USP43: variants seen among roughly 807,000 people sequenced by gnomAD.
USP43 encodes the protein ubiquitin specific peptidase 43, also known as ubiquitin carboxyl-terminal hydrolase 43.
Under a neutral mutation model 90.7 loss-of-function variants are expected in USP43, and 33 were observed. The observed-to-expected ratio is 0.36, with a 90% CI of 0.28 to 0.49. The LOEUF is 0.49. Among genes scored for constraint, USP43 ranks in the 20% least tolerant of loss-of-function variants. The pLI is 0.98. For missense variants in USP43, 1,274 were observed against 1,476.4 expected (o/e 0.86, Z 2.25); for synonymous variants, 598 against 615.8 (o/e 0.97, Z 0.43).
At position 9,728,790 on chromosome 17, in the gene USP43, C is replaced by T. The variant is rs759770577; in HGVS notation, c.3172C>T (p.Arg1058Trp). ...GGGCCTGGCCAGGGGCCTGGGCAGC[C>T]GGCTCGAGAGGGATGTCTGGTCAGC... is the stretch of plus-strand genomic sequence containing the variant. ...PEGLARGLGS[R>W]LERDVWSAPS... Residue 1058 changes from arginine (R) to tryptophan (W), a missense_variant, in exon 15 of 15, where the codon CGG becomes TGG. By Grantham distance (101) the Arg-to-Trp change is moderately radical. This residue lies in a region of USP43 where 353 missense variants were observed against 329.7 expected (regional missense o/e 1.07). Coordinates refer to ENST00000285199, the MANE Select transcript of USP43 (RefSeq NM_153210.5). This position sits in a 1 kb window ranked among gnomAD's most constrained non-coding sequence, Gnocchi z 6.2. 90 of 1,609,666 alleles carry T rather than the reference C, an allele frequency of 5.6e-5. No individual in the cohort carries two copies. Among genetic ancestry groups the T allele is most frequent in the Non-Finnish European group, 7.1e-5 (84 of 1,177,892 alleles).
chr17:9,681,475 T>A (rs1247011088), intron 6 of USP43, among the ~76,000 whole-genome samples: 1 of 19,692 alleles, frequency 5.1e-5, no homozygotes, highest in African/African-American at 4.9e-4. Context: ...TATATATATA[T>A]ATATATATAT....
At chr17:9,703,905 A>C (rs1296711136) in intron 12 of USP43, among the ~76,000 whole-genome samples, 1 of 152,170 alleles carries the variant, frequency 6.6e-6, no homozygotes, top group Non-Finnish European at 1.5e-5. Context: ...CTTTAGGTGA[A>C]GCTCACCCTC....
intron 5 of USP43, 76 bp from the exon 6 acceptor site, chr17:9,680,155 T>C (rs964627927): frequency 3.3e-6 from 5 of 1,537,676 alleles, no homozygotes; most frequent in African/African-American, 2.7e-5. Flanking sequence ...GTGTTGACTA[T>C]CAGTCACTTT....
intron 2 of USP43, among the ~76,000 whole-genome samples, chr17:9,661,015 A>AT (rs1481852564): frequency 2.0e-5 from 3 of 151,774 alleles, no homozygotes; most frequent in East Asian, 1.9e-4. Context: ...TGAAACTCTG[A>AT]TTTTTTTTCT....
intron 4 of USP43, 57 bp downstream of exon 4, chr17:9,675,040 G>T (rs886446567): frequency 1.4e-5 from 21 of 1,504,390 alleles, no homozygotes; most frequent in Non-Finnish European, 1.9e-5. Flanking sequence ...ACTCATTACG[G>T]GGAAGCTTCT....
chr17:9,710,631 A>G (rs181058898), intron 13 of USP43, among the ~76,000 whole-genome samples: 28 of 148,494 alleles, frequency 1.9e-4, no homozygotes, highest in Non-Finnish European at 8.9e-5. Flanking sequence ...CAGCCTCCCG[A>G]GTAGCTGGGA....
rs758656246 is a variant in USP43, at chr17:9,728,918, C to T, written c.3300C>T (p.Gly1100=). Residue 1100 remains glycine, a synonymous_variant, in exon 15 of 15, where the codon GGC becomes GGT. Coordinates refer to ENST00000285199, the MANE Select transcript of USP43 (RefSeq NM_153210.5). This position sits in a 1 kb window ranked among gnomAD's most constrained non-coding sequence, Gnocchi z 6.2. The stretch of plus-strand genomic sequence containing the variant: ...TTCCAGGGGAGCAGGCTTCTTATGG[C>T]ACCTTTCAGAGAGTCAAATATCACA... ...RTVPGEQASY[G]TFQRVKYHTL... The T allele has an allele frequency of 1.9e-6, 3 of 1,611,614 alleles. No individual in the cohort carries two copies. The Admixed American group carries it at 5.0e-5, about 27-fold the overall frequency.
At chr17:9,687,537 A>G (rs761662464) in intron 8 of USP43, among the ~76,000 whole-genome samples, 2 of 152,206 alleles carry the variant, frequency 1.3e-5, no homozygotes, top group Non-Finnish European at 2.9e-5. Flanking sequence ...TTTAAAAACT[A>G]TTGATTTTTT....
chr17:9,674,331 G>T lies in USP43; in HGVS notation c.741-560G>T, dbSNP rs1376701423. Among the ~76,000 whole-genome samples the T allele has an allele frequency of 2.0e-5, 3 of 152,132 alleles. No homozygotes were observed. Among genetic ancestry groups the T allele is most frequent in the African/African-American group, 7.2e-5 (3 of 41,408 alleles). ...TCTAAAGCGTACAAATCAGTGACATGTACATTCACAGTGTTGTGCAGCTAC... is the reference window on the plus strand; with the variant it reads ...TCTAAAGCGTACAAATCAGTGACATTTACATTCACAGTGTTGTGCAGCTAC... On this transcript the variant is annotated intron_variant, in intron 3 of 14. Transcript: ENST00000285199. This position sits in a 1 kb window ranked among gnomAD's most constrained non-coding sequence, Gnocchi z 4.4.
rs34258688 is a variant in USP43, at chr17:9,714,682, CA to C, written c.2335+2569del. 6.8e-3 allele frequency among the ~76,000 whole-genome samples: 473 copies of C among 69,990 alleles called. 2 individuals carry two copies. The highest frequency in any genetic ancestry group is 0.01 in the African/African-American group (190 of 18,128). The allele number at this position is 69,990 out of a possible 152,430, so 45.9% of individuals were successfully genotyped here. A position where few individuals can be genotyped will look rare whatever the true frequency, so the allele number is the denominator to read the frequency against. On this transcript the variant is annotated intron_variant, in intron 14 of 14. Transcript: ENST00000285199. The stretch of plus-strand genomic sequence containing the variant: ...TGGGCAACAGAGCAAGACTCCATCT[CA>C]AAAAAAAAAAAAAAAAAATGAAGAC...
chr17:9,681,251 G>A (rs1914206020), intron 6 of USP43, among the ~76,000 whole-genome samples: 1 of 76,486 alleles, frequency 1.3e-5, no homozygotes, highest in Non-Finnish European at 2.2e-5. Flanking sequence ...TATTTAATAT[G>A]TATTTAATAT....
At chr17:9,680,014 T>C (rs917378654) in intron 5 of USP43, among the ~76,000 whole-genome samples, 5 of 75,034 alleles carry the variant, frequency 6.7e-5, no homozygotes, top group African/African-American at 2.5e-4. Context: ...AAAACTTAGA[T>C]TTTTTTTTTT....
chr17:9,710,468 T>G (rs1916123860), intron 13 of USP43, among the ~76,000 whole-genome samples: 1 of 148,970 alleles, frequency 6.7e-6, no homozygotes, highest in Admixed American at 6.7e-5. Flanking sequence ...AGGGCAGTTA[T>G]AAAGGATGCA....
intron 12 of USP43, among the ~76,000 whole-genome samples, chr17:9,705,653 G>A (rs1366734958): frequency 6.6e-6 from 1 of 151,708 alleles, no homozygotes; most frequent in Non-Finnish European, 1.5e-5. Flanking sequence ...TACTCGGGGG[G>A]CTGAGGCAGG....
Position 9,728,606 on chromosome 17 carries a change from C to A in USP43, c.2988C>A (p.Leu996=), listed in dbSNP as rs1311323981. 1 of 1,613,860 alleles carries A rather than the reference C, an allele frequency of 6.2e-7. No homozygotes were observed. Among genetic ancestry groups the A allele is most frequent in the Non-Finnish European group, 8.5e-7 (1 of 1,179,826 alleles). Residue 996 remains leucine (L), a synonymous_variant, in exon 15 of 15, where the codon CTC becomes CTA. Coordinates refer to ENST00000285199, the MANE Select transcript of USP43 (RefSeq NM_153210.5). The surrounding 1 kb of genome is among the most constrained non-coding windows in gnomAD (Gnocchi z 6.2). ...SELDRPLQGT[L]TLLRSVFRKK... ...TAGACAGACCCCTGCAGGGGACACT[C>A]ACCCTTCTGAGGTCCGTGTTTCGGA...
At position 9,681,176 on chromosome 17, in the gene USP43, TATAATATAC is replaced by T; in HGVS notation, c.1105+811_1105+819del. On this transcript the variant is annotated intron_variant, in intron 6 of 14. Coordinates refer to ENST00000285199, the MANE Select transcript of USP43 (RefSeq NM_153210.5). ...AATATATACTATATAATATATACTA[TATAATATAC>T]TATATAATATATACTATATAATATA... Among the ~76,000 whole-genome samples, 11 of 87,684 alleles carry T rather than the reference TATAATATAC, an allele frequency of 1.3e-4. 2 individuals carry two copies. Among genetic ancestry groups the T allele is most frequent in the African/African-American group, 6.4e-4 (11 of 17,320 alleles). The allele number at this position is 87,684 out of a possible 152,430, so 57.5% of individuals were successfully genotyped here. A position where few individuals can be genotyped will look rare whatever the true frequency, so the allele number is the denominator to read the frequency against.
At chr17:9,702,223 G>A (rs757035601) in intron 12 of USP43, among the ~76,000 whole-genome samples, 27 of 152,040 alleles carry the variant, frequency 1.8e-4, no homozygotes, top group Non-Finnish European at 2.2e-4. Flanking sequence ...AAAAAAATGA[G>A]CTAGGCATTG....
In USP43 at chr17:9,701,565, C is replaced by T; in HGVS notation, c.1876C>T (p.Pro626Ser). 1.3e-6 allele frequency: 2 copies of T among 1,567,650 alleles called. No homozygotes were observed. Among genetic ancestry groups the T allele is most frequent in the Non-Finnish European group, 1.7e-6 (2 of 1,156,692 alleles). ...CCATGTGGCCCAGAGAAGCACCAGC[C>T]CTGAGGCAGGACTGGGCCCCTGGCC... ...APHVAQRSTS[P>S]EAGLGPWPSW... The change falls in exon 12 of 15, where the codon CCT (proline) becomes TCT (serine). Residue 626 changes from proline (P) to serine (S), a missense_variant. Pro to Ser is a moderately conservative substitution (Grantham distance 74, BLOSUM62 -1). Coordinates refer to ENST00000285199, the MANE Select transcript of USP43 (RefSeq NM_153210.5). This position sits in a 1 kb window ranked among gnomAD's most constrained non-coding sequence, Gnocchi z 7.2.
At chr17:9,702,484 A>G (rs186171276) in intron 12 of USP43, among the ~76,000 whole-genome samples, 43 of 151,564 alleles carry the variant, frequency 2.8e-4, no homozygotes, top group African/African-American at 9.8e-4. Context: ...AATCTTACTT[A>G]TCGGATTTGG....
Sources: gnomAD v4.1 joint callset for allele counts (sites outside exome capture counted in the v4.1 genomes callset) on GRCh38, gnomAD v4.1.1 for gene constraint, gnomAD v4.1.1 regional missense constraint, Gnocchi (gnomAD v3.1) non-coding constraint, MANE v1.5 for transcripts, NCBI Gene and HGNC (gene_info 2026-07-23, HGNC 2026-07-21) for gene names.